Variants in COL4A5 observed in about 807,000 individuals in gnomAD.
COL4A5 encodes collagen alpha-5(IV) chain.
Under a neutral mutation model 130.2 loss-of-function variants are expected in COL4A5, and 26 were observed. The ratio of observed to expected loss-of-function variants is 0.20; its 90% CI spans 0.15 to 0.28. COL4A5 has a LOEUF of 0.28. Among genes scored for constraint, COL4A5 ranks in the 10% least tolerant of loss-of-function variants. The pLI is 1.00. For missense variants in COL4A5, 1,131 were observed against 1,344.3 expected (o/e 0.84, Z 2.48); for synonymous variants, 496 against 439.6 (o/e 1.13, Z -1.60).
chrX:108,517,206 G>A (rs889705497), intron 1 of COL4A5, among the ~76,000 whole-genome samples: 11 of 110,750 alleles, frequency 9.9e-5, no homozygotes, highest in East Asian at 2.8e-4. Flanking sequence ...GAAAATATAC[G>A]TATCTTAAGA....
chrX:108,686,062 C>G lies in COL4A5; in HGVS notation c.4248C>G (p.Arg1416=). The stretch of plus-strand genomic sequence containing the variant: ...CTGGCCCTCCAGGAGATCCTGGACG[C>G]AATGGACTCCCTGGCTTTGATGGTG... ...GPTGPPGDPG[R]NGLPGFDGAG... The change falls in exon 48 of 53, where the codon CGC becomes CGG. Residue 1416 remains arginine (R), a synonymous_variant. Transcript: ENST00000328300. The G allele has an allele frequency of 8.3e-7, 1 of 1,211,103 alleles. No individual in the cohort carries two copies. Among genetic ancestry groups the G allele is most frequent in the Non-Finnish European group, 1.1e-6 (1 of 895,194 alleles).
At chrX:108,513,100 G>A (rs1162832094) in intron 1 of COL4A5, among the ~76,000 whole-genome samples, 1 of 111,922 alleles carries the variant, frequency 8.9e-6, no homozygotes, top group African/African-American at 3.2e-5. Flanking sequence ...AGCAGGCTTT[G>A]TGTGAACCTA....
At chrX:108,656,054 A>G (rs2147936416) in intron 37 of COL4A5, among the ~76,000 whole-genome samples, 1 of 112,307 alleles carries the variant, frequency 8.9e-6, no homozygotes, top group African/African-American at 3.2e-5. Flanking sequence ...GTAGTAAAGT[A>G]CACTTAAGAC....
intron 1 of COL4A5, among the ~76,000 whole-genome samples, chrX:108,527,449 C>T (rs2065337967): frequency 8.9e-6 from 1 of 111,968 alleles, no homozygotes; most frequent in Non-Finnish European, 1.9e-5. Flanking sequence ...ATCTCACTTA[C>T]ATCATATTAC....
intron 9 of COL4A5, among the ~76,000 whole-genome samples, chrX:108,575,279 C>G (rs1406888232): frequency 9.0e-6 from 1 of 111,613 alleles, no homozygotes; most frequent in East Asian, 2.8e-4. Flanking sequence ...ATTAGAGAAG[C>G]TATCTTGAAA....
intron 36 of COL4A5, among the ~76,000 whole-genome samples, chrX:108,638,213 A>G (rs1435160712): frequency 1.8e-5 from 2 of 111,378 alleles, no homozygotes; most frequent in African/African-American, 6.5e-5. Context: ...TATTAAAAGG[A>G]TTATATGCCA....
chrX:108,692,611 A>G (rs772208031), intron 49 of COL4A5, 137 bp from the exon 50 acceptor site: 5 of 499,435 alleles, frequency 1.0e-5, no homozygotes, highest in Non-Finnish European at 1.4e-5. Context: ...TAAATCTTAG[A>G]CTTAAGAAAT....
At chrX:108,640,032 G>A (rs1450770689) in intron 36 of COL4A5, among the ~76,000 whole-genome samples, 1 of 111,792 alleles carries the variant, frequency 8.9e-6, no homozygotes, top group Non-Finnish European at 1.9e-5. Context: ...TTTCACTTCT[G>A]GAGACACATC....
At chrX:108,502,575 G>A (rs1469322004) in intron 1 of COL4A5, among the ~76,000 whole-genome samples, 1 of 111,904 alleles carries the variant, frequency 8.9e-6, no homozygotes, top group Non-Finnish European at 1.9e-5. Flanking sequence ...ATGAGCCACC[G>A]CGCCCGGCTA....
chrX:108,658,580 G>T (rs2067891505), intron 37 of COL4A5, among the ~76,000 whole-genome samples: 1 of 111,215 alleles, frequency 9.0e-6, no homozygotes. Context: ...CAGATTAAAA[G>T]TCTTTAACAG....
At position 108,676,778 on chromosome X, in the gene COL4A5, T is replaced by C. The variant is rs1041801197; in HGVS notation, c.3809-722T>C. Among the ~76,000 whole-genome samples the C allele has an allele frequency of 4.5e-5, 5 of 112,041 alleles. No individual in the cohort carries two copies. The Admixed American group carries it at 4.7e-4, about 11-fold the overall frequency. On this transcript the variant is annotated intron_variant, in intron 43 of 52. Transcript: ENST00000328300. ...CTGAATAAATGTAACTACTTACAAA[T>C]AAAGCAATTTGATCTTAATCACAAT...
intron 1 of COL4A5, among the ~76,000 whole-genome samples, chrX:108,526,427 G>A (rs2065311766): frequency 9.0e-6 from 1 of 111,288 alleles, no homozygotes. Flanking sequence ...CATTCACAAA[G>A]TCATCTCTCC....
chrX:108,622,141 T>A (rs186459066), intron 32 of COL4A5, among the ~76,000 whole-genome samples: 58 of 112,300 alleles, frequency 5.2e-4, no homozygotes, highest in African/African-American at 1.8e-3. Context: ...TTTTTGTTTG[T>A]CTTTTGAGAC....
At chrX:108,621,168 T>G in intron 31 of COL4A5, among the ~76,000 whole-genome samples, 1 of 102,794 alleles carries the variant, frequency 9.7e-6, no homozygotes, top group African/African-American at 3.6e-5. Flanking sequence ...TTTTTTTTTT[T>G]TTGAGACAGG....
Position 108,668,550 on chromosome X carries a change from T to C in COL4A5, c.3790+46T>C, listed in dbSNP as rs372856821. On this transcript the variant is annotated intron_variant, in intron 41 of 52. Coordinates refer to ENST00000328300, the MANE Select transcript of COL4A5 (RefSeq NM_033380.3). ...AGAATGGTCTATTTATTAGTCCATG[T>C]ATTTCGTTTTGCTGGCAGGTTATTC... 34 of 1,008,748 alleles carry C rather than the reference T, an allele frequency of 3.4e-5. No individual in the cohort carries two copies. In the African/African-American group the frequency reaches 5.8e-4, roughly 17 times the overall value. 83.1% of individuals were successfully genotyped at this position (1,008,748 alleles called of 1,213,427 possible).
chrX:108,440,830 C>A (rs2064388420), intron 1 of COL4A5, among the ~76,000 whole-genome samples: 1 of 111,870 alleles, frequency 8.9e-6, no homozygotes, highest in Admixed American at 9.5e-5. Flanking sequence ...TCTCAGGCTT[C>A]AGGTCTTTTG....
intron 1 of COL4A5, among the ~76,000 whole-genome samples, chrX:108,497,121 C>G (rs1313514402): frequency 1.8e-5 from 2 of 111,863 alleles, no homozygotes; most frequent in Admixed American, 1.9e-4. Flanking sequence ...TTATACATTA[C>G]GTGGTATTTT....
At chrX:108,680,612 A>C in intron 44 of COL4A5, 67 bp from the exon 45 acceptor site, 13 of 826,500 alleles carry the variant, frequency 1.6e-5, no homozygotes, top group Non-Finnish European at 2.4e-5. Flanking sequence ...TGTAATTCTT[A>C]TGCCCTCAAT....
chrX:108,464,233 G>A lies in COL4A5; in HGVS notation c.81+24027G>A, dbSNP rs375993212. ...CTAGCATTTTACCATAGGAGGGAAA[G>A]ATGTCTTAGAAACACTTTTTTAGTT... is the stretch of plus-strand genomic sequence containing the variant. On this transcript the variant is annotated intron_variant, in intron 1 of 52. Coordinates refer to ENST00000328300, the MANE Select transcript of COL4A5 (RefSeq NM_033380.3). 6.2e-4 allele frequency among the ~76,000 whole-genome samples: 69 copies of A among 112,050 alleles called. 1 individual carries two copies. Among genetic ancestry groups the A allele is most frequent in the African/African-American group, 2.1e-3 (66 of 30,909 alleles).
Sources: gnomAD v4.1 joint callset for allele counts (sites outside exome capture counted in the v4.1 genomes callset) on GRCh38, gnomAD v4.1.1 for gene constraint, MANE v1.5 for transcripts, NCBI Gene and HGNC (gene_info 2026-07-23, HGNC 2026-07-21) for gene names.